PROSER2: variants seen among roughly 807,000 people sequenced by gnomAD.
The protein encoded by PROSER2 is proline and serine rich 2.
In PROSER2, 18 loss-of-function variants were observed where a neutral mutation model predicts 14.6. The observed-to-expected ratio is 1.23, with a 90% CI of 0.85 to 1.83. The LOEUF (loss-of-function observed/expected upper bound fraction) is 1.83, where lower values mean the gene tolerates loss of function less well. Ranked by LOEUF, PROSER2 falls within the 40% of genes most tolerant of loss-of-function variation. The pLI, the probability that PROSER2 is intolerant of heterozygous loss-of-function variation, is 0.00. For missense variants in PROSER2, 823 were observed against 629.8 expected (o/e 1.31, Z -3.28); for synonymous variants, 367 against 286.4 (o/e 1.28, Z -2.84).
rs1185798305 is a variant in PROSER2, at chr10:11,871,604, CA to C, written c.*1199del. ...GGAAAAACCAGTGAATGAGGTTACA[CA>C]GCAGGAAAAGAACCGGTTTCCTCCC... On this transcript the variant is annotated 3_prime_UTR_variant, in exon 4 of 4. Transcript: ENST00000277570. The C allele has an allele frequency of 1.3e-5, 2 of 152,208 alleles. No homozygotes were observed. Among genetic ancestry groups the C allele is most frequent in the Non-Finnish European group, 2.9e-5 (2 of 68,046 alleles). 9.4% of individuals were successfully genotyped at this position (152,208 alleles called of 1,614,324 possible). A position where few individuals can be genotyped will look rare whatever the true frequency, so the allele number is the denominator to read the frequency against.
At chr10:11,847,723 T>C (rs762530770) in intron 1 of PROSER2, among the ~76,000 whole-genome samples, 18 of 152,172 alleles carry the variant, frequency 1.2e-4, no homozygotes, top group Non-Finnish European at 2.5e-4. Context: ...CCAGCCCTTA[T>C]TCTGTTTTGA....
In PROSER2 at chr10:11,866,695, C is replaced by G; in HGVS notation, c.303C>G (p.Pro101=). 1 of 1,614,128 alleles carries G rather than the reference C, an allele frequency of 6.2e-7. No homozygotes were observed. Residue 101 remains proline, a synonymous_variant, in exon 3 of 4, where the codon CCC becomes CCG. Coordinates refer to ENST00000277570, the MANE Select transcript of PROSER2 (RefSeq NM_153256.4). The surrounding 1 kb of genome is among the most constrained non-coding windows in gnomAD (Gnocchi z 6.0). Reference sequence around the variant, plus strand: ...CTCTGGAGGAGAGCACCTCCAGTCCCTCCGAGCCTGAAGATGTCATCGACT... The same window carrying G: ...CTCTGGAGGAGAGCACCTCCAGTCCGTCCGAGCCTGAAGATGTCATCGACT... The part of the protein sequence containing the change: ...SPSLEESTSS[P]SEPEDVIDLV...
In PROSER2 at chr10:11,823,642, G is replaced by T. The variant is rs1229476955; in HGVS notation, c.-82+172G>T. Among the ~76,000 whole-genome samples the T allele has an allele frequency of 6.6e-6, 1 of 152,010 alleles. No individual in the cohort carries two copies. The highest frequency in any genetic ancestry group is 2.4e-5 in the African/African-American group (1 of 41,408). On this transcript the variant is annotated intron_variant, in intron 1 of 3. Coordinates refer to ENST00000277570, the MANE Select transcript of PROSER2 (RefSeq NM_153256.4). This position sits in a 1 kb window ranked among gnomAD's most constrained non-coding sequence, Gnocchi z 6.2. The stretch of plus-strand genomic sequence containing the variant: ...ACTAGGGGAGCCCGGCGCCGCCGCC[G>T]CAGAGGCCACCCGGTGCCCGACCCC...
rs954185546 is a variant in PROSER2, at chr10:11,856,941, C to G, written c.138+4726C>G. ...AGGAGCCGCCCCATCAGCCATAACC[C>G]CGCCCTTTCATGCTGCCTTCTCACC... On this transcript the variant is annotated intron_variant, in intron 2 of 3. Transcript: ENST00000277570. This position sits in a 1 kb window ranked among gnomAD's most constrained non-coding sequence, Gnocchi z 5.3. Among the ~76,000 whole-genome samples, 1 of 152,210 alleles carries G rather than the reference C, an allele frequency of 6.6e-6. No homozygotes were observed. The highest frequency in any genetic ancestry group is 1.5e-5 in the Non-Finnish European group (1 of 68,042).
chr10:11,842,063 A>T (rs536459290), intron 1 of PROSER2, among the ~76,000 whole-genome samples: 52 of 152,204 alleles, frequency 3.4e-4, no homozygotes, highest in Middle Eastern at 3.4e-3. Flanking sequence ...CTCTACTAAA[A>T]TACAAAAAAT....
chr10:11,858,734 G>C (rs528661079), intron 2 of PROSER2, among the ~76,000 whole-genome samples: 1 of 152,098 alleles, frequency 6.6e-6, no homozygotes, highest in Admixed American at 6.5e-5. Context: ...GGATGGGCCC[G>C]GCACAGTAGC....
Position 11,871,161 on chromosome 10 carries a change from G to A in PROSER2, c.*755G>A, listed in dbSNP as rs2131103014. 6.6e-6 allele frequency: 1 copy of A among 152,284 alleles called. No homozygotes were observed. The highest frequency in any genetic ancestry group is 2.4e-5 in the African/African-American group (1 of 41,546). 9.4% of individuals were successfully genotyped at this position (152,284 alleles called of 1,614,324 possible). A position where few individuals can be genotyped will look rare whatever the true frequency, so the allele number is the denominator to read the frequency against. The stretch of plus-strand genomic sequence containing the variant: ...ACATACATGCATAGGTATCCTGTGT[G>A]TCCACATGCATCATTATTATATAAA... On this transcript the variant is annotated 3_prime_UTR_variant, in exon 4 of 4. Coordinates refer to ENST00000277570, the MANE Select transcript of PROSER2 (RefSeq NM_153256.4).
intron 1 of PROSER2, among the ~76,000 whole-genome samples, chr10:11,839,735 G>A (rs1184154744): frequency 6.7e-6 from 1 of 149,644 alleles, no homozygotes; most frequent in Non-Finnish European, 1.5e-5. Context: ...TGAGGCAGGA[G>A]AATCGCTTGA....
At chr10:11,841,804 C>T (rs1427066876) in intron 1 of PROSER2, among the ~76,000 whole-genome samples, 1 of 152,154 alleles carries the variant, frequency 6.6e-6, no homozygotes, top group Non-Finnish European at 1.5e-5. Context: ...CATCAGTTCT[C>T]CTACGTATTC....
Position 11,856,003 on chromosome 10 carries a change from G to A in PROSER2, c.138+3788G>A, listed in dbSNP as rs1564310146. On this transcript the variant is annotated intron_variant, in intron 2 of 3. Transcript: ENST00000277570. The surrounding 1 kb of genome is among the most constrained non-coding windows in gnomAD (Gnocchi z 5.3). ...AAAGGTATAGGTAGAACTAGAATGA[G>A]TTGTCCAAATCCTAGAATATGTGGC... is the stretch of plus-strand genomic sequence containing the variant. 6.6e-6 allele frequency among the ~76,000 whole-genome samples: 1 copy of A among 152,186 alleles called. No homozygotes were observed. The highest frequency in any genetic ancestry group is 1.5e-5 in the Non-Finnish European group (1 of 68,032).
At chr10:11,826,948 G>A (rs1238169027) in intron 1 of PROSER2, among the ~76,000 whole-genome samples, 2 of 141,772 alleles carry the variant, frequency 1.4e-5, no homozygotes, top group Admixed American at 7.6e-5. Flanking sequence ...GCAGTGGCAC[G>A]ATCTCAGCTC....
rs59913374 is a variant in PROSER2 at position 11,832,817 on chromosome 10, CTTTTT to C, written c.-82+9353_-82+9357del. Reference sequence around the variant, plus strand: ...ATCCAAGGTCTGTTTTTAGGGTGCTCTTTTTTTTTTATTTAGATGGTTTTAGAGTT... The same window carrying C: ...ATCCAAGGTCTGTTTTTAGGGTGCTCTTTTTATTTAGATGGTTTTAGAGTT... On this transcript the variant is annotated intron_variant, in intron 1 of 3. Coordinates refer to ENST00000277570, the MANE Select transcript of PROSER2 (RefSeq NM_153256.4). Among the ~76,000 whole-genome samples, 4 of 151,098 alleles carry C rather than the reference CTTTTT, an allele frequency of 2.6e-5. 1 individual carries two copies. The South Asian group carries it at 8.4e-4, about 32-fold the overall frequency.
intron 2 of PROSER2, among the ~76,000 whole-genome samples, chr10:11,858,539 A>G (rs1008190010): frequency 1.3e-5 from 2 of 152,202 alleles, no homozygotes; most frequent in African/African-American, 4.8e-5. Context: ...CTGGTGCATT[A>G]TAATGACCTT....
In PROSER2 at chr10:11,827,475, G is replaced by C. The variant is rs113166315; in HGVS notation, c.-82+4005G>C. Among the ~76,000 whole-genome samples, 1,047 of 152,098 alleles carry C rather than the reference G, an allele frequency of 6.9e-3. 13 individuals carry two copies. Among genetic ancestry groups the C allele is most frequent in the African/African-American group, 0.024 (997 of 41,468 alleles). On this transcript the variant is annotated intron_variant, in intron 1 of 3. Coordinates refer to ENST00000277570, the MANE Select transcript of PROSER2 (RefSeq NM_153256.4). Reference sequence around the variant, plus strand: ...TTCATTCTGTTGTGGGTTTTTTCCTGCTTTCTCTTTTAGGCTGCTGCTGCT... The same window carrying C: ...TTCATTCTGTTGTGGGTTTTTTCCTCCTTTCTCTTTTAGGCTGCTGCTGCT...
At chr10:11,829,382 T>G (rs909343126) in intron 1 of PROSER2, among the ~76,000 whole-genome samples, 3 of 151,026 alleles carry the variant, frequency 2.0e-5, no homozygotes. Flanking sequence ...CCCAGGAGTT[T>G]GAGACCAGTC....
intron 2 of PROSER2, among the ~76,000 whole-genome samples, chr10:11,860,828 A>G (rs4237419): frequency 0.99 from 150,806 of 152,274 alleles, 74,685 homozygotes; most frequent in East Asian, 1. Context: ...GGTCAAGGCC[A>G]GGCATGGCGG....
At position 11,862,129 on chromosome 10, in the gene PROSER2, A is replaced by G. The variant is rs1458456910; in HGVS notation, c.139-4402A>G. Among the ~76,000 whole-genome samples, 1 of 152,180 alleles carries G rather than the reference A, an allele frequency of 6.6e-6. No individual in the cohort carries two copies. The highest frequency in any genetic ancestry group is 1.5e-5 in the Non-Finnish European group (1 of 68,028). On this transcript the variant is annotated intron_variant, in intron 2 of 3. Coordinates refer to ENST00000277570, the MANE Select transcript of PROSER2 (RefSeq NM_153256.4). This position sits in a 1 kb window ranked among gnomAD's most constrained non-coding sequence, Gnocchi z 4.2. ...CTTCTGGTCCAGACACCACACTTTGAGAACCACACATCTAAATAAATGAAG... is the reference window on the plus strand; with the variant it reads ...CTTCTGGTCCAGACACCACACTTTGGGAACCACACATCTAAATAAATGAAG...
In PROSER2 at chr10:11,866,297, G is replaced by A. The variant is rs916003358; in HGVS notation, c.139-234G>A. Among the ~76,000 whole-genome samples the A allele has an allele frequency of 1.3e-5, 2 of 152,182 alleles. No individual in the cohort carries two copies. The highest frequency in any genetic ancestry group is 6.5e-5 in the Admixed American group (1 of 15,272). On this transcript the variant is annotated intron_variant, in intron 2 of 3. Transcript: ENST00000277570. The surrounding 1 kb of genome is among the most constrained non-coding windows in gnomAD (Gnocchi z 6.0). ...ATTGACTTGCTAGGAACCCCAAGGC[G>A]AGGGCCCGTTATAACAGCTTTGAGG... is the stretch of plus-strand genomic sequence containing the variant.
chr10:11,827,770 C>A (rs1588481398), intron 1 of PROSER2, among the ~76,000 whole-genome samples: 1 of 151,656 alleles, frequency 6.6e-6, no homozygotes, highest in Non-Finnish European at 1.5e-5. Context: ...CCTCGACCTC[C>A]CAGGCTCAGA....
Sources: gnomAD v4.1 joint callset for allele counts (sites outside exome capture counted in the v4.1 genomes callset) on GRCh38, gnomAD v4.1.1 for gene constraint, Gnocchi (gnomAD v3.1) non-coding constraint, MANE v1.5 for transcripts, NCBI Gene and HGNC (gene_info 2026-07-23, HGNC 2026-07-21) for gene names.